Variants in CHCHD7 observed in about 807,000 individuals in gnomAD.
CHCHD7 encodes the protein coiled-coil-helix-coiled-coil-helix domain containing 7, also known as coiled-coil-helix-coiled-coil-helix domain-containing protein 7.
Under a neutral mutation model 10.5 loss-of-function variants are expected in CHCHD7, and 7 were observed. The ratio of observed to expected loss-of-function variants is 0.67; its 90% CI spans 0.38 to 1.25. CHCHD7 has a LOEUF of 1.25. Among genes scored for constraint, CHCHD7 ranks in the 50% most tolerant of loss-of-function variants. The pLI is 0.02. For missense variants in CHCHD7, 100 were observed against 104.5 expected (o/e 0.96, Z 0.19); for synonymous variants, 40 against 36.0 (o/e 1.11, Z -0.40).
In CHCHD7 at chr8:56,216,546, G is replaced by T. The variant is rs1185465353; in HGVS notation, c.153+15G>T. On this transcript the variant is annotated intron_variant, in intron 3 of 3. Coordinates refer to ENST00000355315, the MANE Select transcript of CHCHD7 (RefSeq NM_001011671.3). ...GGAGATTCTGGGTAAGCCTAGATTG[G>T]TTAGCTTTGTGTTAAAACCCATCTC... The T allele has an allele frequency of 5.0e-6, 8 of 1,613,920 alleles. No individual in the cohort carries two copies. The highest frequency in any genetic ancestry group is 6.8e-6 in the Non-Finnish European group (8 of 1,179,962).
rs1813218449 is a variant in CHCHD7, at chr8:56,214,459, T to C, written c.-16-139T>C. ...CACGTTCAAGTTTTTATTCACAAAG[T>C]ACAGAGAATACATGAAGTTCCTCAC... On this transcript the variant is annotated intron_variant, in intron 1 of 3. Transcript: ENST00000355315. 5.1e-6 allele frequency: 3 copies of C among 584,224 alleles called. No homozygotes were observed. The Admixed American group carries it at 8.7e-5, about 17-fold the overall frequency. 36.2% of individuals were successfully genotyped at this position (584,224 alleles called of 1,614,324 possible).
intron 3 of CHCHD7, chr8:56,216,787 C>A: frequency 1.4e-6 from 1 of 694,302 alleles, no homozygotes; most frequent in African/African-American, 1.8e-5. Context: ...GTATCTGCAG[C>A]CCTAAAACAA....
In CHCHD7 at chr8:56,212,628, G is replaced by T. The variant is rs1813073430; in HGVS notation, c.-17+791G>T. 9 of 461,406 alleles carry T rather than the reference G, an allele frequency of 2.0e-5. No individual in the cohort carries two copies. In the East Asian group the frequency reaches 3.0e-4, roughly 15 times the overall value. 28.6% of individuals were successfully genotyped at this position (461,406 alleles called of 1,614,324 possible). On this transcript the variant is annotated intron_variant, in intron 1 of 3. Coordinates refer to ENST00000355315, the MANE Select transcript of CHCHD7 (RefSeq NM_001011671.3). Reference sequence around the variant, plus strand: ...TGGTTTTTCTTTCTGGTTATGCTCTGCAAGTAGTAGAGCCTTGTAACATTT... The same window carrying T: ...TGGTTTTTCTTTCTGGTTATGCTCTTCAAGTAGTAGAGCCTTGTAACATTT...
chr8:56,212,564 T>C (rs1039922362), intron 1 of CHCHD7: 3 of 335,364 alleles, frequency 8.9e-6, no homozygotes. Flanking sequence ...ATCCCCTGAA[T>C]GTGCTATGGT....
At chr8:56,212,150 C>T (rs1249797738) in intron 1 of CHCHD7, 3 of 152,084 alleles carry the variant, frequency 2.0e-5, no homozygotes, top group Non-Finnish European at 4.4e-5. Context: ...CCTTGTCTCT[C>T]TCGGCATGGT....
At position 56,214,658 on chromosome 8, in the gene CHCHD7, T is replaced by C. The variant is rs2129240628; in HGVS notation, c.45T>C (p.Pro15=). ...GGCTGAGAGATCCTGACATAAATCC[T>C]TGTTTGTCGGTAGGATGGTTTGCTT... ...TQRLRDPDIN[P]CLSESDASTR... Residue 15 remains proline, a synonymous_variant, in exon 2 of 4, where the codon CCT becomes CCC. Transcript: ENST00000355315. 1 of 1,613,422 alleles carries C rather than the reference T, an allele frequency of 6.2e-7. No individual in the cohort carries two copies. The highest frequency in any genetic ancestry group is 1.3e-5 in the African/African-American group (1 of 75,050).
chr8:56,214,815 C>A (rs2129240745), intron 2 of CHCHD7, 148 bp downstream of exon 2: 1 of 542,192 alleles, frequency 1.8e-6, no homozygotes, highest in Non-Finnish European at 3.3e-6. Context: ...TTAACTAGAG[C>A]ATTTTTAGAT....
In CHCHD7 at chr8:56,218,749, A is replaced by C. The variant is rs1813502167; in HGVS notation, c.*1314A>C. 5.1e-6 allele frequency: 1 copy of C among 194,290 alleles called. No homozygotes were observed. Among genetic ancestry groups the C allele is most frequent in the Non-Finnish European group, 1.1e-5 (1 of 93,284 alleles). The allele number at this position is 194,290 out of a possible 1,614,324, so 12.0% of individuals were successfully genotyped here. On this transcript the variant is annotated 3_prime_UTR_variant, in exon 4 of 4. Transcript: ENST00000355315. ...ACTTGTTAAAGGGCTTGGAATTTTA[A>C]TGTCACTCCTTTGAAGGTACATACC...
Position 56,217,849 on chromosome 8 carries a change from A to G in CHCHD7, c.*414A>G, listed in dbSNP as rs878866498. 1.2e-4 allele frequency: 27 copies of G among 234,656 alleles called. No homozygotes were observed. The South Asian group carries it at 3.3e-3, about 29-fold the overall frequency. The allele number at this position is 234,656 out of a possible 1,614,324, so 14.5% of individuals were successfully genotyped here. A position where few individuals can be genotyped will look rare whatever the true frequency, so the allele number is the denominator to read the frequency against. On this transcript the variant is annotated 3_prime_UTR_variant, in exon 4 of 4. Transcript: ENST00000355315. ...ACCACATTCAGAGAGTATCCTGTAG[A>G]TTGCTCCACCTAGAATCTCAGGTGG...
rs1491507477 is a variant in CHCHD7 at position 56,217,205 on chromosome 8, TTA to T, written c.154-125_154-124del. On this transcript the variant is annotated intron_variant, in intron 3 of 3. Transcript: ENST00000355315. Reference sequence around the variant, plus strand: ...ATAATTAGGTTTTGGGATTTTTTTTTTAAAAAAAACTTGGTTTTTAGAATTTC... The same window carrying T: ...ATAATTAGGTTTTGGGATTTTTTTTTAAAAAAACTTGGTTTTTAGAATTTC... The T allele has an allele frequency of 1.9e-5, 11 of 576,040 alleles. 1 individual carries two copies. The highest frequency in any genetic ancestry group is 3.4e-5 in the Non-Finnish European group (11 of 326,942). 35.7% of individuals were successfully genotyped at this position (576,040 alleles called of 1,614,324 possible).
chr8:56,214,527 G>T, intron 1 of CHCHD7, 71 bp from the exon 2 acceptor site: 1 of 1,115,760 alleles, frequency 9.0e-7, no homozygotes, highest in East Asian at 2.4e-5. Flanking sequence ...GGTACTTTTA[G>T]TGCTATTGAG....
rs775220882 is a variant in CHCHD7 at position 56,217,418 on chromosome 8, G to A, written c.241G>A (p.Gly81Arg). ...AERDEILRAVGNMPY is the reference protein window; with the variant it reads ...AERDEILRAVRNMPY The stretch of plus-strand genomic sequence containing the variant: ...AAGAGATGAAATCTTGAGAGCAGTG[G>A]GAAATATGCCCTATTGAATGTTTGC... Residue 81 changes from glycine to arginine, a missense_variant, in exon 4 of 4, where the codon GGA (glycine) becomes AGA (arginine). By Grantham distance (125) the Gly-to-Arg change is moderately radical. Coordinates refer to ENST00000355315, the MANE Select transcript of CHCHD7 (RefSeq NM_001011671.3). 9 of 1,592,548 alleles carry A rather than the reference G, an allele frequency of 5.7e-6. No individual in the cohort carries two copies. In the Admixed American group the frequency reaches 1.3e-4, roughly 24 times the overall value.
At chr8:56,216,566 C>CTAGGAGATGGGTTTT in intron 3 of CHCHD7, 35 bp downstream of exon 3, 1 of 1,612,566 alleles carries the variant, frequency 6.2e-7, no homozygotes. Flanking sequence ...TGTTAAAACC[C>CTAGGAGATGGGTTTT]ATCTCCTAGG....
chr8:56,214,601 G>A lies in CHCHD7; in HGVS notation c.-13G>A, dbSNP rs762465349. ...TTTTTTTTCTGTCTACCCTCAGTAA[G>A]AAGACTGTTAGAATGCCCTCGGTAA... On this transcript the variant is annotated 5_prime_UTR_variant, in exon 2 of 4. Transcript: ENST00000355315. 6.2e-7 allele frequency: 1 copy of A among 1,611,588 alleles called. No individual in the cohort carries two copies. Among genetic ancestry groups the A allele is most frequent in the South Asian group, 1.1e-5 (1 of 90,952 alleles).
At position 56,216,473 on chromosome 8, in the gene CHCHD7, A is replaced by G. The variant is rs141446192; in HGVS notation, c.95A>G (p.Tyr32Cys). 2.0e-5 allele frequency: 33 copies of G among 1,614,034 alleles called. No homozygotes were observed. The highest frequency in any genetic ancestry group is 1.6e-4 in the African/African-American group (12 of 74,928). Reference protein sequence around the residue: ...ASTRCLDENNYDRERCSTYFL... With the variant: ...ASTRCLDENNCDRERCSTYFL... ...ACCAGATGTCTGGATGAAAATAACT[A>G]TGACAGGGAAAGGTGTTCCACTTAC... Residue 32 changes from tyrosine (Y) to cysteine (C), a missense_variant, in exon 3 of 4, where the codon TAT (tyrosine) becomes TGT (cysteine). Physicochemically the swap from Tyr to Cys is radical, Grantham distance 194. Coordinates refer to ENST00000355315, the MANE Select transcript of CHCHD7 (RefSeq NM_001011671.3).
At position 56,214,730 on chromosome 8, in the gene CHCHD7, G is replaced by T. The variant is rs1381893712; in HGVS notation, c.54+63G>T. The stretch of plus-strand genomic sequence containing the variant: ...TGGAAAAACAGGCTGCTCTAGTTTT[G>T]TGGGCCTTTGTTTTCTGCAGTTGTT... On this transcript the variant is annotated intron_variant, in intron 2 of 3. Coordinates refer to ENST00000355315, the MANE Select transcript of CHCHD7 (RefSeq NM_001011671.3). The T allele has an allele frequency of 3.9e-6, 5 of 1,284,592 alleles. No homozygotes were observed. In the East Asian group the frequency reaches 9.3e-5, roughly 24 times the overall value. The allele number at this position is 1,284,592 out of a possible 1,614,324, so 79.6% of individuals were successfully genotyped here. A position where few individuals can be genotyped will look rare whatever the true frequency, so the allele number is the denominator to read the frequency against.
In CHCHD7 at chr8:56,214,596, A is replaced by G. The variant is rs551676319; in HGVS notation, c.-16-2A>G. The stretch of plus-strand genomic sequence containing the variant: ...AATTATTTTTTTTCTGTCTACCCTC[A>G]GTAAGAAGACTGTTAGAATGCCCTC... On this transcript the variant is annotated splice_acceptor_variant, in intron 1 of 3. Transcript: ENST00000355315. LOFTEE classifies it low-confidence loss of function (5UTR_SPLICE). 68 of 1,609,888 alleles carry G rather than the reference A, an allele frequency of 4.2e-5. No homozygotes were observed. The Admixed American group carries it at 1.0e-3, about 24-fold the overall frequency.
chr8:56,214,423 C>A, intron 1 of CHCHD7, 175 bp from the exon 2 acceptor site: 1 of 504,328 alleles, frequency 2.0e-6, no homozygotes, highest in African/African-American at 1.9e-5. Flanking sequence ...CATGGCAATA[C>A]AAAGGAAAAA....
Position 56,218,790 on chromosome 8 carries a change from C to T in CHCHD7, c.*1355C>T. 5.4e-6 allele frequency: 1 copy of T among 185,822 alleles called. No individual in the cohort carries two copies. The highest frequency in any genetic ancestry group is 2.3e-5 in the African/African-American group (1 of 42,764). The allele number at this position is 185,822 out of a possible 1,614,324, so 11.5% of individuals were successfully genotyped here. On this transcript the variant is annotated 3_prime_UTR_variant, in exon 4 of 4. Coordinates refer to ENST00000355315, the MANE Select transcript of CHCHD7 (RefSeq NM_001011671.3). ...GGTACATACCAATATCAACATTCAT[C>T]TTGTAACTAGTTGTCCTGATGCCAC... is the stretch of plus-strand genomic sequence containing the variant.
Sources: allele counts gnomAD v4.1 joint callset, GRCh38; gene constraint gnomAD v4.1.1; transcripts MANE v1.5; gene names NCBI Gene and HGNC (gene_info 2026-07-23, HGNC 2026-07-21).